COG4: variants seen among roughly 807,000 people sequenced by gnomAD.
COG4 encodes the protein conserved oligomeric Golgi complex subunit 4.
COG4 carries 65 observed loss-of-function variants against 95.1 expected under a neutral mutation model. The observed-to-expected ratio is 0.68, with a 90% CI of 0.56 to 0.84. COG4 has a LOEUF of 0.84. Ranked by LOEUF, COG4 falls within the 40% of genes least tolerant of loss-of-function variation. The pLI, the probability that COG4 is intolerant of heterozygous loss-of-function variation, is 0.00. For missense variants in COG4, 1,045 were observed against 989.1 expected (o/e 1.06, Z -0.76); for synonymous variants, 421 against 374.8 (o/e 1.12, Z -1.42).
Position 70,523,373 on chromosome 16 carries a change from C to A in COG4, c.171G>T (p.Glu57Asp). Residue 57 changes from glutamate to aspartate, a missense_variant and splice_region_variant, in exon 1 of 19, where the codon GAG becomes GAT. By Grantham distance (45) the Glu-to-Asp change is conservative. Transcript: ENST00000323786. ...AAAAAGAAGAGGCTCGACCCCGCACCTCCTCGCCGCAGAGCCGTTCGTATA... is the reference window on the plus strand; with the variant it reads ...AAAAAGAAGAGGCTCGACCCCGCACATCCTCGCCGCAGAGCCGTTCGTATA... ...EAVYERLCGE[E>D]KVVERELDAL... is the part of the protein sequence containing the mutation. 2.5e-6 allele frequency: 4 copies of A among 1,614,162 alleles called. No homozygotes were observed. The highest frequency in any genetic ancestry group is 3.4e-6 in the Non-Finnish European group (4 of 1,180,014).
intron 3 of COG4, among the ~76,000 whole-genome samples, chr16:70,517,001 G>A (rs902008206): frequency 3.3e-5 from 5 of 152,056 alleles, no homozygotes; most frequent in Non-Finnish European, 7.4e-5. Flanking sequence ...CTGGACTCAA[G>A]CAATTAGCCT....
intron 13 of COG4, among the ~76,000 whole-genome samples, chr16:70,485,536 G>A (rs190137569): frequency 2.9e-3 from 441 of 150,852 alleles, no homozygotes; most frequent in African/African-American, 9.8e-3. Context: ...ATAAATCATG[G>A]AGCTGGGACT....
chr16:70,515,281 C>T (rs2049798295), intron 3 of COG4, among the ~76,000 whole-genome samples: 1 of 152,148 alleles, frequency 6.6e-6, no homozygotes, highest in African/African-American at 2.4e-5. Flanking sequence ...CTCGGCCTCC[C>T]AAAGTGCTGA....
chr16:70,482,353 A>C (rs2049016496), intron 15 of COG4, 178 bp from the exon 16 acceptor site: 1 of 681,488 alleles, frequency 1.5e-6, no homozygotes, highest in Non-Finnish European at 2.7e-6. Flanking sequence ...ACCAGCAAAC[A>C]GCCCAGGGCT....
chr16:70,523,443 G>A lies in COG4; in HGVS notation c.101C>T (p.Ala34Val), dbSNP rs2049998459. The change falls in exon 1 of 19, where the codon GCT becomes GTT. Residue 34 changes from alanine (A) to valine (V), a missense_variant. By Grantham distance (64) the Ala-to-Val change is moderately conservative. Coordinates refer to ENST00000323786, the MANE Select transcript of COG4 (RefSeq NM_015386.3). ...CTCTGTCAGGGAGCGAATGAGCTCA[G>A]CGGAGATTTCGGAGCAGCGGCCACC... is the stretch of plus-strand genomic sequence containing the variant. ...VGGGRCSEIS[A>V]ELIRSLTELQ... 1 of 1,614,118 alleles carries A rather than the reference G, an allele frequency of 6.2e-7. No individual in the cohort carries two copies. Among genetic ancestry groups the A allele is most frequent in the African/African-American group, 1.3e-5 (1 of 75,030 alleles).
At chr16:70,492,656 C>T (rs993954793) in intron 12 of COG4, among the ~76,000 whole-genome samples, 10 of 142,892 alleles carry the variant, frequency 7.0e-5, no homozygotes, top group South Asian at 2.2e-4. Context: ...AGCAAAACTC[C>T]GTCTCAAAAA....
intron 4 of COG4, among the ~76,000 whole-genome samples, chr16:70,513,051 C>G (rs921552120): frequency 6.6e-6 from 1 of 152,182 alleles, no homozygotes; most frequent in African/African-American, 2.4e-5. Context: ...AAGGTGACAT[C>G]CCACCTCTCA....
chr16:70,484,799 T>C (rs569614366), intron 13 of COG4, among the ~76,000 whole-genome samples: 17 of 152,096 alleles, frequency 1.1e-4, no homozygotes, highest in Non-Finnish European at 2.2e-4. Context: ...CTCAGGAGGC[T>C]GAGGCGAGAG....
intron 3 of COG4, among the ~76,000 whole-genome samples, chr16:70,517,220 A>G (rs2049839893): frequency 6.6e-6 from 1 of 152,036 alleles, no homozygotes; most frequent in Admixed American, 6.6e-5. Context: ...TTGATGTTGT[A>G]GTTAGTAGAG....
Position 70,501,002 on chromosome 16 carries a change from T to C in COG4, c.1151A>G (p.Asp384Gly), listed in dbSNP as rs745959698. The change falls in exon 9 of 19, where the codon GAT becomes GGT. Residue 384 changes from aspartate to glycine, a missense_variant. Physicochemically the swap from Asp to Gly is moderately conservative, Grantham distance 94. Coordinates refer to ENST00000323786, the MANE Select transcript of COG4 (RefSeq NM_015386.3). ...LRFLKKRISS[D>G]FEVGDSMASE... ...GGCCATGGAGTCTCCCACCTCAAAA[T>C]CAGAGCTAATCCTCTTCTTGAGGAA... 1 of 1,614,114 alleles carries C rather than the reference T, an allele frequency of 6.2e-7. No individual in the cohort carries two copies. Among genetic ancestry groups the C allele is most frequent in the Non-Finnish European group, 8.5e-7 (1 of 1,180,006 alleles).
chr16:70,514,267 C>T (rs1281584284), intron 4 of COG4, 68 bp downstream of exon 4: 44 of 1,429,900 alleles, frequency 3.1e-5, no homozygotes, highest in Non-Finnish European at 3.8e-5. Context: ...TTTTATTGGT[C>T]GAGTCTGCTT....
intron 8 of COG4, among the ~76,000 whole-genome samples, chr16:70,505,556 C>T (rs1319338387): frequency 2.7e-5 from 4 of 148,704 alleles, no homozygotes; most frequent in African/African-American, 7.4e-5. Flanking sequence ...AGGCTGGGTG[C>T]GGTGGCTCAC....
intron 8 of COG4, among the ~76,000 whole-genome samples, chr16:70,502,566 A>G (rs990174694): frequency 2.6e-5 from 4 of 151,438 alleles, no homozygotes; most frequent in Admixed American, 2.6e-4. Context: ...ACGCCATTGC[A>G]CTCCAGCCTG....
chr16:70,500,365 CTTTT>C (rs68141616), intron 9 of COG4, among the ~76,000 whole-genome samples: 2 of 96,170 alleles, frequency 2.1e-5, no homozygotes, highest in African/African-American at 1.0e-4. Context: ...ATTATATACT[CTTTT>C]TTTTTTTTTT....
At chr16:70,505,597 A>G (rs2049547375) in intron 8 of COG4, among the ~76,000 whole-genome samples, 5 of 145,430 alleles carry the variant, frequency 3.4e-5, no homozygotes, top group Admixed American at 3.4e-4. Flanking sequence ...GGGAGGCTGA[A>G]GGCGGGCAGA....
intron 9 of COG4, among the ~76,000 whole-genome samples, chr16:70,498,785 T>C (rs1486191336): frequency 7.2e-5 from 11 of 152,264 alleles, no homozygotes; most frequent in Non-Finnish European, 1.3e-4. Context: ...AACTTTTTAC[T>C]CCTTTTCCAT....
At chr16:70,482,555 C>G in intron 15 of COG4, 174 bp downstream of exon 15, 1 of 682,010 alleles carries the variant, frequency 1.5e-6, no homozygotes. Context: ...CTGAGCCCTT[C>G]TGACTAGGGA....
chr16:70,490,571 T>G (rs1335618851), intron 12 of COG4, among the ~76,000 whole-genome samples, 179 bp from the exon 13 acceptor site: 2 of 152,216 alleles, frequency 1.3e-5, no homozygotes, highest in African/African-American at 4.8e-5. Context: ...GATCTTGGAT[T>G]GGGCAGAATG....
At chr16:70,502,716 T>C (rs2049480332) in intron 8 of COG4, among the ~76,000 whole-genome samples, 1 of 152,204 alleles carries the variant, frequency 6.6e-6, no homozygotes, top group African/African-American at 2.4e-5. Flanking sequence ...CATTCATTTA[T>C]CCTGATGAAT....
Sources: gnomAD v4.1 joint callset for allele counts (sites outside exome capture counted in the v4.1 genomes callset) on GRCh38, gnomAD v4.1.1 for gene constraint, MANE v1.5 for transcripts, NCBI Gene and HGNC (gene_info 2026-07-23, HGNC 2026-07-21) for gene names.